The following ATRNL1 variants were observed in gnomAD, a reference collection of about 807,000 sequenced individuals.
ATRNL1 encodes the protein attractin-like protein 1.
In ATRNL1, 95 loss-of-function variants were observed where a neutral mutation model predicts 182.7. The ratio of observed to expected loss-of-function variants is 0.52; its 90% CI spans 0.44 to 0.62. The LOEUF (loss-of-function observed/expected upper bound fraction) is 0.62, where lower values mean the gene tolerates loss of function less well. Ranked by LOEUF, ATRNL1 falls within the 20% of genes least tolerant of loss-of-function variation. ATRNL1 has a pLI of 0.00. For synonymous variants in ATRNL1, 576 were observed against 568.3 expected, an observed-to-expected ratio of 1.01 and a Z score of -0.19; for missense variants, 1,471 against 1,679.5, an observed-to-expected ratio of 0.88 and a Z score of 2.17.
chr10:115,530,937 G>C (rs1248855378), intron 25 of ATRNL1, among the ~76,000 whole-genome samples: 1 of 151,864 alleles, frequency 6.6e-6, no homozygotes, highest in Non-Finnish European at 1.5e-5. Context: ...TTTCATCCAT[G>C]TCCCTACAAA....
At chr10:115,749,156 A>G (rs1948376251) in intron 27 of ATRNL1, among the ~76,000 whole-genome samples, 1 of 151,968 alleles carries the variant, frequency 6.6e-6, no homozygotes, top group South Asian at 2.1e-4. Flanking sequence ...TTATCAGGGC[A>G]ACTTTGTTAA....
At chr10:115,883,005 C>T (rs781804066) in intron 28 of ATRNL1, among the ~76,000 whole-genome samples, 2 of 152,160 alleles carry the variant, frequency 1.3e-5, no homozygotes, top group African/African-American at 2.4e-5. Context: ...GATGCCTCAC[C>T]ACTGTCATGG....
At chr10:115,426,077 A>C (rs1279349929) in intron 20 of ATRNL1, among the ~76,000 whole-genome samples, 173 bp from the exon 21 acceptor site, 1 of 151,992 alleles carries the variant, frequency 6.6e-6, no homozygotes, top group African/African-American at 2.4e-5. Context: ...AGCTTTCTAC[A>C]ATTAATTCAA....
At chr10:115,810,792 A>G (rs1950029583) in intron 27 of ATRNL1, among the ~76,000 whole-genome samples, 1 of 151,790 alleles carries the variant, frequency 6.6e-6, no homozygotes, top group African/African-American at 2.4e-5. Context: ...GCAGTCTCTT[A>G]TCTTCTAAAT....
chr10:115,396,998 A>G (rs1441093978), intron 20 of ATRNL1, among the ~76,000 whole-genome samples: 1 of 151,862 alleles, frequency 6.6e-6, no homozygotes, highest in African/African-American at 2.4e-5. Context: ...TGTAAAGAGT[A>G]TTTTGTAGGT....
rs916006470 is a variant in ATRNL1, at chr10:115,458,344, G to A, written c.3323-3597G>A. ...ACTTTCATTCTAAGCAGCTTTAAAA[G>A]GAAACATTTTGTGTAGAAGTCTAAA... On this transcript the variant is annotated intron_variant, in intron 21 of 28. Coordinates refer to ENST00000355044, the MANE Select transcript of ATRNL1 (RefSeq NM_207303.4). Among the ~76,000 whole-genome samples, 24 of 152,170 alleles carry A rather than the reference G, an allele frequency of 1.6e-4. No homozygotes were observed. The East Asian group carries it at 4.6e-3, about 29-fold the overall frequency.
chr10:115,328,095 A>T (rs1340331538), intron 18 of ATRNL1, among the ~76,000 whole-genome samples: 5 of 150,278 alleles, frequency 3.3e-5, no homozygotes, highest in East Asian at 1.9e-4. Flanking sequence ...ATAATAATAA[A>T]AAATAATTTA....
At chr10:115,290,484 G>A (rs1319384359) in intron 15 of ATRNL1, among the ~76,000 whole-genome samples, 7 of 152,052 alleles carry the variant, frequency 4.6e-5, no homozygotes, top group Non-Finnish European at 7.4e-5. Context: ...GTGAAACGCC[G>A]TCTCTACTAA....
At chr10:115,639,690 G>T (rs1859108336) in intron 26 of ATRNL1, among the ~76,000 whole-genome samples, 1 of 152,058 alleles carries the variant, frequency 6.6e-6, no homozygotes, top group Admixed American at 6.6e-5. Flanking sequence ...TACACAGGGA[G>T]ATACATTCAA....
At chr10:115,906,641 G>C (rs1437195042) in intron 28 of ATRNL1, among the ~76,000 whole-genome samples, 4 of 152,124 alleles carry the variant, frequency 2.6e-5, no homozygotes, top group Non-Finnish European at 5.9e-5. Flanking sequence ...GGGTTAAACA[G>C]TTTTCATTAT....
chr10:115,251,410 G>A (rs545258471), intron 10 of ATRNL1, among the ~76,000 whole-genome samples: 5 of 152,262 alleles, frequency 3.3e-5, no homozygotes, highest in African/African-American at 7.2e-5. Flanking sequence ...TATATCCAGC[G>A]ACTGAAGACA....
intron 8 of ATRNL1, among the ~76,000 whole-genome samples, chr10:115,211,356 G>T (rs995010314): frequency 6.6e-6 from 1 of 151,376 alleles, no homozygotes; most frequent in South Asian, 2.1e-4. Flanking sequence ...TTTGAAAACA[G>T]TTGTGCTACT....
intron 28 of ATRNL1, among the ~76,000 whole-genome samples, chr10:115,879,326 A>AAG (rs1951773736): frequency 7.3e-6 from 1 of 137,166 alleles, no homozygotes; most frequent in African/African-American, 2.6e-5. Context: ...GAAAGAAAGA[A>AAG]AGAAATTTTA....
At chr10:115,904,447 G>C (rs1952441719) in intron 28 of ATRNL1, among the ~76,000 whole-genome samples, 1 of 152,118 alleles carries the variant, frequency 6.6e-6, no homozygotes, top group African/African-American at 2.4e-5. Flanking sequence ...TACTCCTACT[G>C]GCCATTCTCC....
rs147344328 is a variant in ATRNL1 at position 115,425,315 on chromosome 10, T to C, written c.3270-935T>C. On this transcript the variant is annotated intron_variant, in intron 20 of 28. Coordinates refer to ENST00000355044, the MANE Select transcript of ATRNL1 (RefSeq NM_207303.4). ...AGTTGAAATATATGTAATATATTTATATAAAATATGTATGTAATAATTACT... is the reference window on the plus strand; with the variant it reads ...AGTTGAAATATATGTAATATATTTACATAAAATATGTATGTAATAATTACT... Among the ~76,000 whole-genome samples the C allele has an allele frequency of 9.1e-3, 1,252 of 137,928 alleles. 17 individuals are homozygous for C. The highest frequency in any genetic ancestry group is 0.035 in the African/African-American group (1,194 of 34,222). 90.5% of individuals were successfully genotyped at this position (137,928 alleles called of 152,430 possible). A position where few individuals can be genotyped will look rare whatever the true frequency, so the allele number is the denominator to read the frequency against.
At chr10:115,658,032 A>G (rs539858752) in intron 26 of ATRNL1, among the ~76,000 whole-genome samples, 35 of 151,358 alleles carry the variant, frequency 2.3e-4, no homozygotes, top group Non-Finnish European at 4.4e-4. Context: ...ATACCTTTTA[A>G]CTAATATTAC....
At chr10:115,837,277 A>G (rs1046764230) in intron 27 of ATRNL1, among the ~76,000 whole-genome samples, 1 of 152,102 alleles carries the variant, frequency 6.6e-6, no homozygotes, top group Non-Finnish European at 1.5e-5. Context: ...CAGGGGTAGC[A>G]AGTCCTGTCT....
chr10:115,468,454 A>G (rs559865288), intron 23 of ATRNL1, among the ~76,000 whole-genome samples: 1 of 150,990 alleles, frequency 6.6e-6, no homozygotes, highest in African/African-American at 2.4e-5. Flanking sequence ...GTGGTTAGTT[A>G]AAAATTCAAT....
chr10:115,541,358 T>C (rs1321142157), intron 25 of ATRNL1, among the ~76,000 whole-genome samples: 2 of 152,180 alleles, frequency 1.3e-5, no homozygotes, highest in Admixed American at 1.3e-4. Context: ...CACAATGTAA[T>C]ACCATTATAT....
Sources: gnomAD v4.1 joint callset for allele counts (sites outside exome capture counted in the v4.1 genomes callset) on GRCh38, gnomAD v4.1.1 for gene constraint, MANE v1.5 for transcripts, NCBI Gene and HGNC (gene_info 2026-07-23, HGNC 2026-07-21) for gene names.